Variants in FGD4 observed in about 807,000 individuals in gnomAD.
FGD4 encodes FYVE, RhoGEF and PH domain containing 4, also known as FYVE, RhoGEF and PH domain-containing protein 4.
In FGD4, 42 loss-of-function variants were observed where a neutral mutation model predicts 102.0. The observed-to-expected ratio is 0.41, with a 90% CI of 0.32 to 0.53. The LOEUF (loss-of-function observed/expected upper bound fraction) is 0.53. FGD4 is among the 20% of genes least tolerant of loss of function. The pLI is 0.21. For missense variants in FGD4, 902 were observed against 1,078.2 expected (o/e 0.84, Z 2.29); for synonymous variants, 380 against 375.7 (o/e 1.01, Z -0.13).
chr12:32,582,515 AT>A, intron 4 of FGD4, 48 bp downstream of exon 4: 1 of 1,600,314 alleles, frequency 6.2e-7, no homozygotes, highest in Non-Finnish European at 8.5e-7. Flanking sequence ...TGCCTATTCG[AT>A]TGTTGTCTTA....
Position 32,633,569 on chromosome 12 carries a change from C to T in FGD4, c.2193C>T (p.Ser731=), listed in dbSNP as rs147136365. The T allele has an allele frequency of 1.0e-4, 161 of 1,613,440 alleles. No homozygotes were observed. Among genetic ancestry groups the T allele is most frequent in the African/African-American group, 4.1e-4 (31 of 74,950 alleles). The part of the protein sequence containing the change: ...ACGYVVCWKC[S]DYKAQLEYDG... ...TTAAGGTGGTTTGTTGGAAATGCTCCGACTACAAAGCTCAACTTGAATATG... is the reference window on the plus strand; with the variant it reads ...TTAAGGTGGTTTGTTGGAAATGCTCTGACTACAAAGCTCAACTTGAATATG... The change falls in exon 15 of 17, where the codon TCC becomes TCT. Residue 731 remains serine, a synonymous_variant. Transcript: ENST00000534526.
chr12:32,537,925 T>C (rs1461618274), intron 1 of FGD4, among the ~76,000 whole-genome samples: 1 of 152,100 alleles, frequency 6.6e-6, no homozygotes, highest in Non-Finnish European at 1.5e-5. Flanking sequence ...TGAGACAGAG[T>C]CTTTCTGTCA....
chr12:32,638,582 C>T, intron 15 of FGD4, 73 bp from the exon 16 acceptor site: 1 of 1,569,872 alleles, frequency 6.4e-7, no homozygotes. Context: ...TGTATAAACA[C>T]ATTGTACTTT....
intron 14 of FGD4, among the ~76,000 whole-genome samples, chr12:32,629,920 C>T (rs1950400021): frequency 6.6e-6 from 1 of 152,142 alleles, no homozygotes; most frequent in Non-Finnish European, 1.5e-5. Flanking sequence ...TTCCTGGAGC[C>T]TTGCTTTCTG....
At chr12:32,535,345 T>C (rs944313164) in intron 1 of FGD4, among the ~76,000 whole-genome samples, 1 of 152,210 alleles carries the variant, frequency 6.6e-6, no homozygotes, top group South Asian at 2.1e-4. Flanking sequence ...GGTGTGGCTC[T>C]TTCCTTCCTT....
chr12:32,556,971 G>C (rs1279991561), intron 1 of FGD4: 1 of 152,182 alleles, frequency 6.6e-6, no homozygotes, highest in East Asian at 1.9e-4. Flanking sequence ...TCCCACCTCA[G>C]TCTCCTGAGT....
intron 14 of FGD4, among the ~76,000 whole-genome samples, chr12:32,631,391 G>A (rs1950490356): frequency 1.3e-5 from 2 of 151,912 alleles, no homozygotes; most frequent in African/African-American, 4.8e-5. Context: ...GTGTGCTTAA[G>A]TGCAACAATT....
chr12:32,623,535 A>G (rs1949974020), intron 11 of FGD4, among the ~76,000 whole-genome samples: 1 of 152,118 alleles, frequency 6.6e-6, no homozygotes, highest in Non-Finnish European at 1.5e-5. Flanking sequence ...AGTCTCATGC[A>G]TGTTTCATAC....
chr12:32,597,714 CA>C (rs1254832651), intron 4 of FGD4, among the ~76,000 whole-genome samples: 4 of 152,010 alleles, frequency 2.6e-5, no homozygotes, highest in African/African-American at 9.7e-5. Context: ...TAAATAAATA[CA>C]TACTGAAGAA....
Position 32,633,678 on chromosome 12 carries a change from G to A in FGD4, c.2302G>A (p.Gly768Arg). 1 of 1,598,988 alleles carries A rather than the reference G, an allele frequency of 6.3e-7. No individual in the cohort carries two copies. The highest frequency in any genetic ancestry group is 8.6e-7 in the Non-Finnish European group (1 of 1,166,916). Residue 768 changes from glycine (G) to arginine (R), a missense_variant, in exon 15 of 17, where the codon GGA becomes AGA. Transcript: ENST00000534526. The stretch of plus-strand genomic sequence containing the variant: ...AGACAGTGAAGAAAAGAAAAGAAAA[G>A]GAATTTTAGAGGTAAGAAATATTAA... ...FTDSEEKKRK[G>R]ILEIESAEVS...
At chr12:32,639,017 T>C in intron 16 of FGD4, 1 of 1,276,410 alleles carries the variant, frequency 7.8e-7, no homozygotes. Context: ...CCCTTTCTTG[T>C]CTCATTCAAT....
chr12:32,586,155 C>T (rs1289526067), intron 4 of FGD4, among the ~76,000 whole-genome samples: 1 of 152,062 alleles, frequency 6.6e-6, no homozygotes, highest in Non-Finnish European at 1.5e-5. Context: ...CTGCAATGGG[C>T]TTTTGAATGC....
intron 1 of FGD4, among the ~76,000 whole-genome samples, chr12:32,423,653 G>C (rs1344242703): frequency 6.6e-6 from 1 of 151,456 alleles, no homozygotes; most frequent in Non-Finnish European, 1.5e-5. Context: ...CTACTCCATA[G>C]GCAGAGCAGC....
intron 1 of FGD4, among the ~76,000 whole-genome samples, chr12:32,501,670 A>G (rs1393004179): frequency 6.6e-6 from 1 of 152,176 alleles, no homozygotes; most frequent in Non-Finnish European, 1.5e-5. Context: ...TCAAACTAAC[A>G]TTTTTTCCAA....
At chr12:32,502,189 A>C (rs1938271127) in intron 1 of FGD4, 2 of 985,550 alleles carry the variant, frequency 2.0e-6, no homozygotes, top group Non-Finnish European at 2.4e-6. Flanking sequence ...GAAGTGGGGA[A>C]AGCAGGGGAG....
intron 10 of FGD4, among the ~76,000 whole-genome samples, chr12:32,613,067 C>T (rs1251605071): frequency 2.6e-5 from 4 of 152,112 alleles, no homozygotes; most frequent in Non-Finnish European, 4.4e-5. Flanking sequence ...GCTTAATAAA[C>T]GTTAGCTTTC....
intron 1 of FGD4, among the ~76,000 whole-genome samples, chr12:32,559,221 A>C (rs1358142377): frequency 6.6e-6 from 1 of 152,178 alleles, no homozygotes; most frequent in Non-Finnish European, 1.5e-5. Flanking sequence ...AAACAAACAA[A>C]AAGTTTCAGT....
intron 1 of FGD4, among the ~76,000 whole-genome samples, chr12:32,479,788 T>C (rs1943674286): frequency 1.6e-5 from 1 of 60,926 alleles, no homozygotes; most frequent in Non-Finnish European, 4.4e-5. Context: ...GCATTATTCT[T>C]TTTTTTTTTT....
At chr12:32,472,763 G>A (rs1195992384) in intron 1 of FGD4, among the ~76,000 whole-genome samples, 1 of 152,256 alleles carries the variant, frequency 6.6e-6, no homozygotes, top group African/African-American at 2.4e-5. Context: ...CCTGAGTCTG[G>A]TGGGGACGTG....
Sources: allele counts gnomAD v4.1 joint callset (sites outside exome capture counted in the v4.1 genomes callset), GRCh38; gene constraint gnomAD v4.1.1; transcripts MANE v1.5; gene names NCBI Gene and HGNC (gene_info 2026-07-23, HGNC 2026-07-21).